The following ADAMTS19 variants were observed in gnomAD, a reference collection of about 807,000 sequenced individuals.
The protein encoded by ADAMTS19 is A disintegrin and metalloproteinase with thrombospondin motifs 19.
A neutral mutation model predicts 153.3 loss-of-function variants in ADAMTS19; 93 were observed. The ratio of observed to expected loss-of-function variants is 0.61; its 90% CI spans 0.51 to 0.72. ADAMTS19 has a LOEUF of 0.72. ADAMTS19 is among the 30% of genes least tolerant of loss of function. ADAMTS19 has a pLI of 0.00. For missense variants in ADAMTS19, 1,482 were observed against 1,552.1 expected, an observed-to-expected ratio of 0.95 and a Z score of 0.76; for synonymous variants, 600 against 556.6, an observed-to-expected ratio of 1.08 and a Z score of -1.10.
intron 11 of ADAMTS19, among the ~76,000 whole-genome samples, chr5:129,644,200 G>A (rs560312997): frequency 2.6e-5 from 4 of 152,260 alleles, no homozygotes; most frequent in Admixed American, 1.3e-4. Flanking sequence ...TAGAGGTTCT[G>A]TAATGCTTTG....
At chr5:129,658,217 C>A (rs1279169653) in intron 14 of ADAMTS19, among the ~76,000 whole-genome samples, 15 of 151,648 alleles carry the variant, frequency 9.9e-5, no homozygotes. Flanking sequence ...GCCTGGGAGG[C>A]AGAGGTTGCA....
At chr5:129,577,064 G>A (rs562512820) in intron 7 of ADAMTS19, among the ~76,000 whole-genome samples, 4 of 152,034 alleles carry the variant, frequency 2.6e-5, no homozygotes, top group Admixed American at 1.3e-4. Flanking sequence ...TTTTCTTCTT[G>A]AGCCATCCTA....
In ADAMTS19 at chr5:129,706,884, A is replaced by T. The variant is rs112813416; in HGVS notation, c.3312+2493A>T. 8.8e-3 allele frequency among the ~76,000 whole-genome samples: 1,340 copies of T among 152,210 alleles called. 18 individuals carry two copies. Among genetic ancestry groups the T allele is most frequent in the African/African-American group, 0.03 (1,258 of 41,514 alleles). On this transcript the variant is annotated intron_variant, in intron 21 of 22. Transcript: ENST00000274487. ...GGTTTTTTATGCTAAACTAAAAAAA[A>T]TTTTTTTCAGTTTTATGAATATATG...
chr5:129,509,756 T>G (rs1209243733), intron 3 of ADAMTS19, among the ~76,000 whole-genome samples: 1 of 152,002 alleles, frequency 6.6e-6, no homozygotes, highest in Non-Finnish European at 1.5e-5. Flanking sequence ...GTTCTCAGTA[T>G]TCAAATCCCT....
chr5:129,684,378 C>A (rs1754971453), intron 18 of ADAMTS19, 105 bp downstream of exon 18: 1 of 1,401,914 alleles, frequency 7.1e-7, no homozygotes, highest in Non-Finnish European at 9.5e-7. Flanking sequence ...ATTCCAAAAT[C>A]CATAAAGAGT....
intron 8 of ADAMTS19, among the ~76,000 whole-genome samples, chr5:129,603,996 C>A (rs1750781723): frequency 6.6e-6 from 1 of 152,120 alleles, no homozygotes; most frequent in Non-Finnish European, 1.5e-5. Context: ...TCATTTCACA[C>A]CCCCTTTCAT....
intron 8 of ADAMTS19, among the ~76,000 whole-genome samples, chr5:129,617,379 C>G (rs1751577602): frequency 6.6e-6 from 1 of 152,034 alleles, no homozygotes; most frequent in South Asian, 2.1e-4. Context: ...AGGTTGTAAT[C>G]ATCCATATTT....
At chr5:129,506,027 C>T (rs1230462263) in intron 2 of ADAMTS19, among the ~76,000 whole-genome samples, 1 of 152,096 alleles carries the variant, frequency 6.6e-6, no homozygotes, top group Non-Finnish European at 1.5e-5. Context: ...TGTGGATTGC[C>T]CAGCACAGGG....
Position 129,658,620 on chromosome 5 carries a change from G to C in ADAMTS19, c.2308G>C (p.Val770Leu). 1 of 1,610,444 alleles carries C rather than the reference G, an allele frequency of 6.2e-7. No individual in the cohort carries two copies. The highest frequency in any genetic ancestry group is 8.5e-7 in the Non-Finnish European group (1 of 1,178,618). Residue 770 changes from valine (V) to leucine (L), a missense_variant, in exon 15 of 23, where the codon GTT becomes CTT. Transcript: ENST00000274487. Reference sequence around the variant, plus strand: ...TGCTGTCACTCTCTTGTTACAGAAAGTTGGCTGTGATGGTTTATTAGGGTC... The same window carrying C: ...TGCTGTCACTCTCTTGTTACAGAAACTTGGCTGTGATGGTTTATTAGGGTC... ...DICANGRCQK[V>L]GCDGLLGSLA...
intron 3 of ADAMTS19, among the ~76,000 whole-genome samples, chr5:129,523,013 A>G (rs1337492745): frequency 6.6e-6 from 1 of 151,356 alleles, no homozygotes; most frequent in Non-Finnish European, 1.5e-5. Flanking sequence ...GGAGATCGCG[A>G]CACTGCGCTC....
At chr5:129,655,654 C>A (rs967773805) in intron 14 of ADAMTS19, among the ~76,000 whole-genome samples, 1 of 152,038 alleles carries the variant, frequency 6.6e-6, no homozygotes, top group Non-Finnish European at 1.5e-5. Flanking sequence ...ACACACATAC[C>A]TGCACACAAA....
chr5:129,495,777 G>C (rs1173690541), intron 2 of ADAMTS19, among the ~76,000 whole-genome samples: 2 of 152,202 alleles, frequency 1.3e-5, no homozygotes, highest in Middle Eastern at 6.8e-3. Flanking sequence ...GCATGGTCAT[G>C]CATGGACATA....
At chr5:129,521,253 A>G (rs1386025730) in intron 3 of ADAMTS19, among the ~76,000 whole-genome samples, 1 of 152,226 alleles carries the variant, frequency 6.6e-6, no homozygotes, top group South Asian at 2.1e-4. Flanking sequence ...AGTTTGTTAA[A>G]AGCAAAATTT....
At chr5:129,725,775 C>T (rs146447258) in intron 21 of ADAMTS19, among the ~76,000 whole-genome samples, 2,192 of 152,034 alleles carry the variant, frequency 0.014, 51 homozygotes, top group African/African-American at 0.049. Context: ...CATTCATGGC[C>T]TAAATTTGTG....
At chr5:129,485,262 G>C (rs753564008) in intron 2 of ADAMTS19, among the ~76,000 whole-genome samples, 1 of 152,028 alleles carries the variant, frequency 6.6e-6, no homozygotes, top group Non-Finnish European at 1.5e-5. Flanking sequence ...ATGAGACAAA[G>C]AAGAAATCCC....
At chr5:129,700,071 A>G (rs1755760135) in intron 19 of ADAMTS19, among the ~76,000 whole-genome samples, 1 of 152,214 alleles carries the variant, frequency 6.6e-6, no homozygotes, top group African/African-American at 2.4e-5. Context: ...TTGCCCAAGT[A>G]ATGAGAAATA....
chr5:129,543,997 C>T (rs1021312158), intron 6 of ADAMTS19, among the ~76,000 whole-genome samples: 31 of 152,060 alleles, frequency 2.0e-4, no homozygotes, highest in African/African-American at 7.5e-4. Flanking sequence ...GTTTTATCTT[C>T]TCTCTTTTAG....
At chr5:129,666,848 A>C (rs1387428934) in intron 16 of ADAMTS19, among the ~76,000 whole-genome samples, 1 of 152,204 alleles carries the variant, frequency 6.6e-6, no homozygotes, top group Non-Finnish European at 1.5e-5. Context: ...TTACACTTGC[A>C]TGTATGTTTT....
intron 7 of ADAMTS19, among the ~76,000 whole-genome samples, chr5:129,577,491 A>G (rs1035051923): frequency 2.0e-5 from 3 of 152,162 alleles, no homozygotes; most frequent in African/African-American, 7.2e-5. Context: ...AAGGAAATTT[A>G]TAATTTTAAA....
Sources: gnomAD v4.1 joint callset for allele counts (sites outside exome capture counted in the v4.1 genomes callset) on GRCh38, gnomAD v4.1.1 for gene constraint, MANE v1.5 for transcripts, NCBI Gene and HGNC (gene_info 2026-07-23, HGNC 2026-07-21) for gene names.